ZBTB46: variants seen among roughly 807,000 people sequenced by gnomAD.
ZBTB46 encodes the protein zinc finger and BTB domain containing 46.
ZBTB46 carries 8 observed loss-of-function variants against 44.1 expected under a neutral mutation model. The observed-to-expected ratio is 0.18, with a 90% CI of 0.11 to 0.33. The LOEUF is 0.33. Among genes scored for constraint, ZBTB46 ranks in the 10% least tolerant of loss-of-function variants. The pLI, the probability that ZBTB46 is intolerant of heterozygous loss-of-function variation, is 1.00. For synonymous variants in ZBTB46, 409 were observed against 382.3 expected (o/e 1.07, Z -0.81); for missense variants, 651 against 847.7 (o/e 0.77, Z 2.88).
chr20:63,754,693 G>A (rs1480430125), intron 3 of ZBTB46, among the ~76,000 whole-genome samples: 2 of 151,612 alleles, frequency 1.3e-5, no homozygotes, highest in African/African-American at 2.4e-5. Context: ...TCTGCCTCCC[G>A]GGTTCACATC....
At chr20:63,806,829 A>G (rs545942838) in intron 1 of ZBTB46, among the ~76,000 whole-genome samples, 1 of 144,856 alleles carries the variant, frequency 6.9e-6, no homozygotes, top group African/African-American at 2.6e-5. Flanking sequence ...GTCGGCCAGG[A>G]TGGAGTGCAG....
intron 2 of ZBTB46, among the ~76,000 whole-genome samples, chr20:63,782,997 G>A (rs2092483082): frequency 6.6e-6 from 1 of 152,212 alleles, no homozygotes; most frequent in African/African-American, 2.4e-5. Flanking sequence ...AGGCGTGGTG[G>A]CGCACGCCCA....
At chr20:63,749,555 C>T (rs542002720) in intron 4 of ZBTB46, among the ~76,000 whole-genome samples, 50 of 152,330 alleles carry the variant, frequency 3.3e-4, no homozygotes, top group Non-Finnish European at 7.3e-4. Context: ...CCAGGATGGT[C>T]TCGATCTCCT....
intron 4 of ZBTB46, among the ~76,000 whole-genome samples, chr20:63,750,806 G>A (rs1422588155): frequency 1.3e-5 from 2 of 152,076 alleles, no homozygotes; most frequent in Non-Finnish European, 2.9e-5. Context: ...GGGAGGCTGA[G>A]GTGGGAGGAT....
At chr20:63,800,912 G>T (rs1251323422) in intron 1 of ZBTB46, among the ~76,000 whole-genome samples, 1 of 152,254 alleles carries the variant, frequency 6.6e-6, no homozygotes, top group Non-Finnish European at 1.5e-5. Context: ...GGGCTGAGGA[G>T]TGCAGGTGCA....
At chr20:63,800,548 C>T (rs968543758) in intron 1 of ZBTB46, among the ~76,000 whole-genome samples, 21 of 152,332 alleles carry the variant, frequency 1.4e-4, no homozygotes, top group Non-Finnish European at 2.1e-4. Context: ...CCTCAGCTTG[C>T]GGGGAGGTGT....
chr20:63,805,713 AG>A (rs1387659502), intron 1 of ZBTB46, among the ~76,000 whole-genome samples: 1 of 151,356 alleles, frequency 6.6e-6, no homozygotes, highest in Admixed American at 6.6e-5. Flanking sequence ...CTTTCACAGC[AG>A]CCCCAGGAAA....
intron 3 of ZBTB46, among the ~76,000 whole-genome samples, chr20:63,759,701 G>A (rs562199695): frequency 8.5e-5 from 13 of 152,322 alleles, no homozygotes; most frequent in South Asian, 2.1e-4. Context: ...AAGTGGTGAC[G>A]ATGGGCGTCT....
In ZBTB46 at chr20:63,775,804, C is replaced by T. The variant is rs773852418; in HGVS notation, c.1096G>A (p.Ala366Thr). The T allele has an allele frequency of 1.2e-6, 2 of 1,613,298 alleles. No individual in the cohort carries two copies. The highest frequency in any genetic ancestry group is 2.2e-5 in the East Asian group (1 of 44,886). The change falls in exon 3 of 5, where the codon GCG (alanine) becomes ACG (threonine). Residue 366 changes from alanine (A) to threonine (T), a missense_variant. Ala to Thr is a moderately conservative substitution (Grantham distance 58). Transcript: ENST00000245663. The part of the protein sequence containing the change: ...EKDDALHQAT[A>T]VANLRAALMS... Reference sequence around the variant, plus strand: ...AGCGCCGCGCGCAGGTTGGCCACCGCGGTGGCCTGATGCAGGGCGTCGTCC... The same window carrying T: ...AGCGCCGCGCGCAGGTTGGCCACCGTGGTGGCCTGATGCAGGGCGTCGTCC...
chr20:63,773,025 C>T (rs2092390090), intron 3 of ZBTB46, among the ~76,000 whole-genome samples: 1 of 152,150 alleles, frequency 6.6e-6, no homozygotes, highest in African/African-American at 2.4e-5. Flanking sequence ...ATGTGTTCCC[C>T]AAGGTCAGAC....
chr20:63,772,275 T>C (rs1188814613), intron 3 of ZBTB46, among the ~76,000 whole-genome samples: 9 of 151,984 alleles, frequency 5.9e-5, no homozygotes, highest in Admixed American at 5.9e-4. Context: ...AGATTACAGG[T>C]GTGAACCATC....
At chr20:63,771,636 T>G in intron 3 of ZBTB46, among the ~76,000 whole-genome samples, 1 of 151,534 alleles carries the variant, frequency 6.6e-6, no homozygotes, top group South Asian at 2.1e-4. Context: ...CACCTTCAGA[T>G]CACACCGAGG....
chr20:63,799,821 T>A (rs933950406), intron 1 of ZBTB46, among the ~76,000 whole-genome samples: 1 of 152,124 alleles, frequency 6.6e-6, no homozygotes, highest in African/African-American at 2.4e-5. Flanking sequence ...CCACACCATG[T>A]GTCCTCGAGG....
chr20:63,760,471 GT>G (rs572643063), intron 3 of ZBTB46, among the ~76,000 whole-genome samples: 45 of 144,422 alleles, frequency 3.1e-4, no homozygotes, highest in East Asian at 8.1e-4. Flanking sequence ...CAGTGTTTTT[GT>G]TTTTTTTTTT....
Position 63,803,442 on chromosome 20 carries a change from A to C in ZBTB46, c.-33-12652T>G. On this transcript the variant is annotated intron_variant, in intron 1 of 4. Transcript: ENST00000245663. The surrounding 1 kb of genome is among the most constrained non-coding windows in gnomAD (Gnocchi z 4.0). ...TTTCGACAGCGAGACCGGTGGTACT[A>C]TCCACATCATCTCCAGTGAGCAAGT... is the stretch of plus-strand genomic sequence containing the variant. The C allele has an allele frequency of 3.0e-6, 3 of 985,372 alleles. No homozygotes were observed. Among genetic ancestry groups the C allele is most frequent in the Non-Finnish European group, 3.6e-6 (3 of 829,924 alleles). The allele number at this position is 985,372 out of a possible 1,614,324, so 61.0% of individuals were successfully genotyped here.
chr20:63,746,997 T>C lies in ZBTB46; in HGVS notation c.1703A>G (p.Glu568Gly). 1 of 1,607,516 alleles carries C rather than the reference T, an allele frequency of 6.2e-7. No individual in the cohort carries two copies. Among genetic ancestry groups the C allele is most frequent in the African/African-American group, 1.3e-5 (1 of 75,014 alleles). ...GCTGCGCGGCCGCGGCGAGTCTTCC[T>C]CATCCTTGTCGTCCGCCAACAGCGC... ...EDALLADDKDEEDSPRPRSPP... is the reference protein window; with the variant it reads ...EDALLADDKDGEDSPRPRSPP... Residue 568 changes from glutamate to glycine, a missense_variant, in exon 5 of 5, where the codon GAG becomes GGG. By Grantham distance (98) the Glu-to-Gly change is moderately conservative. This residue lies in a region of ZBTB46 where 106 missense variants were observed against 81.0 expected (regional missense o/e 1.31). Coordinates refer to ENST00000245663, the MANE Select transcript of ZBTB46 (RefSeq NM_001369741.1).
intron 3 of ZBTB46, among the ~76,000 whole-genome samples, chr20:63,772,308 T>TA (rs1439358625): frequency 6.6e-6 from 1 of 152,106 alleles, no homozygotes; most frequent in African/African-American, 2.4e-5. Flanking sequence ...AAAGGGCAAA[T>TA]TCTTACAAGA....
At chr20:63,822,018 C>T (rs1033826679) in intron 1 of ZBTB46, among the ~76,000 whole-genome samples, 1 of 152,182 alleles carries the variant, frequency 6.6e-6, no homozygotes, top group Non-Finnish European at 1.5e-5. Context: ...CAGCACACTG[C>T]GAGAACTTAC....
chr20:63,763,819 A>G (rs1568840385), intron 3 of ZBTB46, among the ~76,000 whole-genome samples: 1 of 152,182 alleles, frequency 6.6e-6, no homozygotes, highest in Non-Finnish European at 1.5e-5. Context: ...CACGACAGTT[A>G]ACTCTCATCC....
Sources: allele counts gnomAD v4.1 joint callset (sites outside exome capture counted in the v4.1 genomes callset), GRCh38; gene constraint gnomAD v4.1.1; regional missense constraint gnomAD v4.1.1; non-coding constraint Gnocchi (gnomAD v3.1); transcripts MANE v1.5; gene names NCBI Gene and HGNC (gene_info 2026-07-23, HGNC 2026-07-21).